FSIP1: variants seen among roughly 807,000 people sequenced by gnomAD.
FSIP1 encodes fibrous sheath interacting protein 1, also known as fibrous sheath-interacting protein 1.
In FSIP1, 65 loss-of-function variants were observed where a neutral mutation model predicts 60.9. The observed-to-expected ratio is 1.07, with a 90% CI of 0.87 to 1.31. FSIP1 has a LOEUF of 1.31. Among genes scored for constraint, FSIP1 ranks in the 40% most tolerant of loss-of-function variants. The pLI is 0.00. For missense variants in FSIP1, 675 were observed against 665.5 expected, an observed-to-expected ratio of 1.01 and a Z score of -0.16; for synonymous variants, 209 against 221.2, an observed-to-expected ratio of 0.94 and a Z score of 0.49.
intron 8 of FSIP1, among the ~76,000 whole-genome samples, chr15:39,735,716 C>T (rs779352307): frequency 5.3e-5 from 8 of 151,758 alleles, no homozygotes; most frequent in South Asian, 2.1e-4. Context: ...TTAACTTTTT[C>T]GCTCTCTTAT....
intron 10 of FSIP1, among the ~76,000 whole-genome samples, chr15:39,623,608 C>T (rs1891527117): frequency 6.6e-6 from 1 of 152,178 alleles, no homozygotes; most frequent in Non-Finnish European, 1.5e-5. Flanking sequence ...CTGGCAACAC[C>T]TCCGTAGTAG....
In FSIP1 at chr15:39,776,549, A is replaced by G. The variant is rs1016711004; in HGVS notation, c.-7-18T>C. 3 of 1,571,758 alleles carry G rather than the reference A, an allele frequency of 1.9e-6. No individual in the cohort carries two copies. The African/African-American group carries it at 4.1e-5, about 21-fold the overall frequency. On this transcript the variant is annotated intron_variant, in intron 1 of 11. Coordinates refer to ENST00000350221, the MANE Select transcript of FSIP1 (RefSeq NM_152597.5). ...TTGAAATCCTGAAACAACAAATAAA[A>G]TATTTAATACCAAGCGACTCGGATA... is the stretch of plus-strand genomic sequence containing the variant.
At chr15:39,744,777 T>TCTCACACACACACACA in intron 5 of FSIP1, among the ~76,000 whole-genome samples, 1 of 138,066 alleles carries the variant, frequency 7.2e-6, no homozygotes, top group East Asian at 2.2e-4. Context: ...TCCCCCTCAG[T>TCTCACACACACACACA]CACACACACA....
chr15:39,652,104 G>A (rs934240165), intron 10 of FSIP1, among the ~76,000 whole-genome samples: 1 of 152,184 alleles, frequency 6.6e-6, no homozygotes, highest in South Asian at 2.1e-4. Context: ...CTCTGAGTGG[G>A]TTGAGAAACT....
At chr15:39,667,449 T>C (rs902612436) in intron 10 of FSIP1, among the ~76,000 whole-genome samples, 4 of 152,176 alleles carry the variant, frequency 2.6e-5, no homozygotes, top group African/African-American at 7.2e-5. Flanking sequence ...ATGGAAAGCA[T>C]AGGCTTATCA....
intron 10 of FSIP1, among the ~76,000 whole-genome samples, chr15:39,627,604 ATC>A (rs1891696272): frequency 6.6e-6 from 1 of 152,080 alleles, no homozygotes; most frequent in South Asian, 2.1e-4. Flanking sequence ...CCCACATGGT[ATC>A]TCTCTGCATA....
intron 8 of FSIP1, among the ~76,000 whole-genome samples, chr15:39,731,912 C>G (rs1896418803): frequency 6.6e-6 from 1 of 152,200 alleles, no homozygotes; most frequent in African/African-American, 2.4e-5. Flanking sequence ...GAGTTCCCAA[C>G]ATAGATGAAA....
rs922290499 is a variant in FSIP1, at chr15:39,770,521, C to T, written c.216G>A (p.Lys72=). The change falls in exon 3 of 12, where the codon AAG becomes AAA. Residue 72 remains lysine (K), a synonymous_variant. Coordinates refer to ENST00000350221, the MANE Select transcript of FSIP1 (RefSeq NM_152597.5). ...TENRRTSNDD[K]QESCSEKIKL... Reference sequence around the variant, plus strand: ...TTATTTTCTCAGAGCAGCTTTCCTGCTTATCATCATTACTAGTTCTTCTGT... The same window carrying T: ...TTATTTTCTCAGAGCAGCTTTCCTGTTTATCATCATTACTAGTTCTTCTGT... 3.7e-6 allele frequency: 6 copies of T among 1,611,664 alleles called. No homozygotes were observed. In the African/African-American group the frequency reaches 8.0e-5, roughly 22 times the overall value.
intron 5 of FSIP1, among the ~76,000 whole-genome samples, chr15:39,754,160 C>T (rs750508820): frequency 1.6e-4 from 25 of 151,908 alleles, no homozygotes; most frequent in Non-Finnish European, 2.6e-4. Flanking sequence ...GAGGGGTTTG[C>T]GTAGTAAGAA....
At chr15:39,618,354 C>A (rs1891317583) in intron 10 of FSIP1, 109 bp from the exon 11 acceptor site, 5 of 795,492 alleles carry the variant, frequency 6.3e-6, no homozygotes, top group Admixed American at 4.9e-5. Context: ...CCTTACACAA[C>A]ACATAAAAAT....
At chr15:39,609,752 A>C (rs1890958865) in intron 11 of FSIP1, among the ~76,000 whole-genome samples, 1 of 152,232 alleles carries the variant, frequency 6.6e-6, no homozygotes, top group South Asian at 2.1e-4. Context: ...ACAACATGCA[A>C]CCCTGTGCAA....
intron 9 of FSIP1, among the ~76,000 whole-genome samples, chr15:39,720,456 T>C (rs1895908687): frequency 2.6e-5 from 4 of 152,132 alleles, no homozygotes; most frequent in Admixed American, 2.6e-4. Context: ...AACACAGCAA[T>C]GCCTCCTGTC....
At chr15:39,673,512 G>A (rs1033567764) in intron 10 of FSIP1, among the ~76,000 whole-genome samples, 3 of 151,820 alleles carry the variant, frequency 2.0e-5, no homozygotes, top group East Asian at 3.9e-4. Flanking sequence ...ACGAGGTCTC[G>A]CTTTGTTTGC....
At chr15:39,676,691 T>C (rs1893957120) in intron 10 of FSIP1, among the ~76,000 whole-genome samples, 1 of 152,236 alleles carries the variant, frequency 6.6e-6, no homozygotes, top group African/African-American at 2.4e-5. Flanking sequence ...TAGTTATACA[T>C]ATATAGAGAT....
At chr15:39,707,938 G>A (rs536666414) in intron 10 of FSIP1, among the ~76,000 whole-genome samples, 11 of 152,242 alleles carry the variant, frequency 7.2e-5, no homozygotes, top group East Asian at 5.8e-4. Flanking sequence ...CCTGTAGAGC[G>A]CCCCAACCAA....
intron 10 of FSIP1, among the ~76,000 whole-genome samples, chr15:39,662,323 A>G (rs1893329000): frequency 6.6e-6 from 1 of 152,132 alleles, no homozygotes; most frequent in Admixed American, 6.6e-5. Flanking sequence ...CCCCAAAATT[A>G]TAAAGTTTTA....
intron 5 of FSIP1, among the ~76,000 whole-genome samples, chr15:39,742,923 T>C (rs779623882): frequency 6.6e-6 from 1 of 152,108 alleles, no homozygotes; most frequent in Non-Finnish European, 1.5e-5. Flanking sequence ...GAGAGAGGGG[T>C]AAACTACTTA....
intron 10 of FSIP1, among the ~76,000 whole-genome samples, chr15:39,700,348 T>C: frequency 6.6e-6 from 1 of 152,224 alleles, no homozygotes; most frequent in Admixed American, 6.5e-5. Context: ...ACTTTATTTC[T>C]ATTTCTCTCA....
intron 11 of FSIP1, among the ~76,000 whole-genome samples, chr15:39,606,077 C>G (rs7171006): frequency 0.029 from 4,416 of 152,344 alleles, 84 homozygotes; most frequent in Non-Finnish European, 0.042. Context: ...TGGGATTCTG[C>G]TACTTACTTG....
Sources: gnomAD v4.1 joint callset for allele counts (sites outside exome capture counted in the v4.1 genomes callset) on GRCh38, gnomAD v4.1.1 for gene constraint, MANE v1.5 for transcripts, NCBI Gene and HGNC (gene_info 2026-07-23, HGNC 2026-07-21) for gene names.